The following INIP variants were observed in gnomAD, a reference collection of about 807,000 sequenced individuals.
The protein encoded by INIP is INTS3 and NABP interacting protein, also known as SOSS complex subunit C.
INIP carries 9 observed loss-of-function variants against 14.0 expected under a neutral mutation model. The observed-to-expected ratio is 0.64, with a 90% CI of 0.39 to 1.12. The LOEUF is 1.12. Among genes scored for constraint, INIP ranks in the 50% most tolerant of loss-of-function variants. INIP has a pLI of 0.01. For missense variants in INIP, 78 were observed against 122.7 expected (o/e 0.64, Z 1.72); for synonymous variants, 37 against 41.5 (o/e 0.89, Z 0.41).
chr9:112,713,149 A>G (rs1021259490), intron 2 of INIP, among the ~76,000 whole-genome samples: 2 of 152,258 alleles, frequency 1.3e-5, no homozygotes, highest in African/African-American at 4.8e-5. Context: ...TGAGTAAAAG[A>G]TTTGAACAAA....
chr9:112,714,373 G>A (rs761059981), intron 2 of INIP, among the ~76,000 whole-genome samples: 24 of 152,148 alleles, frequency 1.6e-4, no homozygotes, highest in Non-Finnish European at 3.2e-4. Context: ...AAATAGAGGC[G>A]TCCTTCAAGT....
At chr9:112,693,905 T>C (rs1171221453) in intron 3 of INIP, 4 of 314,818 alleles carry the variant, frequency 1.3e-5, no homozygotes, top group Non-Finnish European at 1.7e-5. Flanking sequence ...TGAAACCCCA[T>C]CTCTACTAAA....
At chr9:112,708,217 C>T (rs76378582) in intron 2 of INIP, among the ~76,000 whole-genome samples, 1,946 of 152,204 alleles carry the variant, frequency 0.013, 66 homozygotes, top group African/African-American at 0.045. Flanking sequence ...AGCGTGAAAG[C>T]GGGGGGAGCA....
chr9:112,690,000 T>C (rs1021018441), intron 3 of INIP, among the ~76,000 whole-genome samples: 2 of 152,146 alleles, frequency 1.3e-5, no homozygotes, highest in African/African-American at 2.4e-5. Flanking sequence ...ATATTCTTTA[T>C]AGGGGTAAAA....
In INIP at chr9:112,698,265, C is replaced by A. The variant is rs184755544; in HGVS notation, c.26-4032G>T. ...GTTGCAGTGAGCCAAGATTATGCCA[C>A]TGCACTTCAGCCTGGGTGACAGAGC... On this transcript the variant is annotated intron_variant, in intron 2 of 4. Transcript: ENST00000374242. Among the ~76,000 whole-genome samples the A allele has an allele frequency of 2.2e-5, 3 of 134,042 alleles. No homozygotes were observed. In the East Asian group the frequency reaches 6.8e-4, roughly 30 times the overall value. The allele number at this position is 134,042 out of a possible 152,430, so 87.9% of individuals were successfully genotyped here. A position where few individuals can be genotyped will look rare whatever the true frequency, so the allele number is the denominator to read the frequency against.
chr9:112,716,319 G>A (rs1838814655), intron 2 of INIP, 142 bp downstream of exon 2: 1 of 692,822 alleles, frequency 1.4e-6, no homozygotes, highest in East Asian at 2.9e-5. Context: ...TGGGATTACA[G>A]GCGTGAGCCA....
chr9:112,687,416 C>G lies in INIP; in HGVS notation c.*122G>C, dbSNP rs770229733. On this transcript the variant is annotated 3_prime_UTR_variant, in exon 5 of 5. Transcript: ENST00000374242. ...CTTTCACTTACACATTCCTTTCTTT[C>G]AGACAAACAAAAAATATCAAAGTTC... The G allele has an allele frequency of 1.6e-6, 1 of 626,068 alleles. No individual in the cohort carries two copies. Among genetic ancestry groups the G allele is most frequent in the Non-Finnish European group, 2.9e-6 (1 of 345,398 alleles). 38.8% of individuals were successfully genotyped at this position (626,068 alleles called of 1,614,324 possible).
intron 2 of INIP, among the ~76,000 whole-genome samples, chr9:112,707,397 C>G (rs899468478): frequency 6.6e-6 from 1 of 151,446 alleles, no homozygotes; most frequent in East Asian, 1.9e-4. Flanking sequence ...AACATTTCCA[C>G]TTTTGGAACT....
In INIP at chr9:112,685,135, T is replaced by C. The variant is rs989289029; in HGVS notation, c.*2403A>G. 1 of 152,346 alleles carries C rather than the reference T, an allele frequency of 6.6e-6. No individual in the cohort carries two copies. The highest frequency in any genetic ancestry group is 1.5e-5 in the Non-Finnish European group (1 of 68,208). 9.4% of individuals were successfully genotyped at this position (152,346 alleles called of 1,614,324 possible). On this transcript the variant is annotated 3_prime_UTR_variant, in exon 5 of 5. Coordinates refer to ENST00000374242, the MANE Select transcript of INIP (RefSeq NM_021218.3). Reference sequence around the variant, plus strand: ...GACAGGGTCTCACTCTGTTGCCAAGTTGTGCAATCATGGCCCACTGCAGCC... The same window carrying C: ...GACAGGGTCTCACTCTGTTGCCAAGCTGTGCAATCATGGCCCACTGCAGCC...
intron 2 of INIP, among the ~76,000 whole-genome samples, chr9:112,699,472 G>A (rs926665889): frequency 6.6e-6 from 1 of 152,154 alleles, no homozygotes; most frequent in Non-Finnish European, 1.5e-5. Flanking sequence ...TTCAGAGAGA[G>A]AGAGAGACCA....
rs960287173 is a variant in INIP, at chr9:112,687,253, T to C, written c.*285A>G. On this transcript the variant is annotated 3_prime_UTR_variant, in exon 5 of 5. Transcript: ENST00000374242. ...GTCAAACTTGCTAGGAGTTGGGGAA[T>C]GACTTCGTGACCATCCAGTTCACAG... 5 of 246,252 alleles carry C rather than the reference T, an allele frequency of 2.0e-5. No homozygotes were observed. The highest frequency in any genetic ancestry group is 2.3e-5 in the Non-Finnish European group (3 of 127,974). The allele number at this position is 246,252 out of a possible 1,614,324, so 15.3% of individuals were successfully genotyped here.
At chr9:112,704,578 CACT>C (rs1387169988) in intron 2 of INIP, among the ~76,000 whole-genome samples, 1 of 152,172 alleles carries the variant, frequency 6.6e-6, no homozygotes, top group Non-Finnish European at 1.5e-5. Flanking sequence ...TGCACACCAA[CACT>C]TTAGGTTGCC....
At chr9:112,710,071 T>A (rs939095012) in intron 2 of INIP, among the ~76,000 whole-genome samples, 2 of 152,238 alleles carry the variant, frequency 1.3e-5, no homozygotes, top group Non-Finnish European at 2.9e-5. Flanking sequence ...GGACAAACTC[T>A]TAATTGAGAG....
intron 2 of INIP, among the ~76,000 whole-genome samples, chr9:112,705,149 A>G (rs1170698042): frequency 1.3e-5 from 2 of 151,432 alleles, no homozygotes; most frequent in Non-Finnish European, 1.5e-5. Flanking sequence ...AGAATGAATA[A>G]ATTAAACCAA....
intron 2 of INIP, among the ~76,000 whole-genome samples, chr9:112,710,829 T>A (rs1838624462): frequency 6.6e-6 from 1 of 152,196 alleles, no homozygotes; most frequent in Admixed American, 6.6e-5. Flanking sequence ...AATCTCCATA[T>A]TAAGTAATTC....
intron 2 of INIP, among the ~76,000 whole-genome samples, chr9:112,697,845 G>A (rs1219333156): frequency 1.3e-5 from 2 of 152,202 alleles, no homozygotes; most frequent in African/African-American, 2.4e-5. Flanking sequence ...CAGAACAGAA[G>A]TAGGAAATAC....
At position 112,687,463 on chromosome 9, in the gene INIP, G is replaced by C. The variant is rs766098900; in HGVS notation, c.*75C>G. ...GTTCACCAAAATTCTTAAAGTCACA[G>C]TTCATGTAGCACTGAATGATAGTAG... is the stretch of plus-strand genomic sequence containing the variant. On this transcript the variant is annotated 3_prime_UTR_variant, in exon 5 of 5. Transcript: ENST00000374242. The C allele has an allele frequency of 9.0e-6, 8 of 887,330 alleles. No individual in the cohort carries two copies. Among genetic ancestry groups the C allele is most frequent in the African/African-American group, 8.3e-5 (5 of 60,202 alleles). The allele number at this position is 887,330 out of a possible 1,614,324, so 55.0% of individuals were successfully genotyped here. A position where few individuals can be genotyped will look rare whatever the true frequency, so the allele number is the denominator to read the frequency against.
chr9:112,693,609 G>A (rs1227633628), intron 3 of INIP, among the ~76,000 whole-genome samples: 5 of 152,140 alleles, frequency 3.3e-5, no homozygotes, highest in Non-Finnish European at 7.4e-5. Context: ...TTGTTAATCT[G>A]TCTTTTGTTA....
chr9:112,710,679 A>G (rs887185317), intron 2 of INIP, among the ~76,000 whole-genome samples: 1 of 152,184 alleles, frequency 6.6e-6, no homozygotes, highest in Admixed American at 6.5e-5. Context: ...TTAGTCCCCA[A>G]CACAACGGAA....
Sources: gnomAD v4.1 joint callset for allele counts (sites outside exome capture counted in the v4.1 genomes callset) on GRCh38, gnomAD v4.1.1 for gene constraint, MANE v1.5 for transcripts, NCBI Gene and HGNC (gene_info 2026-07-23, HGNC 2026-07-21) for gene names.